Variants in CEP131 observed in about 807,000 individuals in gnomAD.
CEP131 encodes centrosomal protein of 131 kDa.
Under a neutral mutation model 136.8 loss-of-function variants are expected in CEP131, and 99 were observed. The observed-to-expected ratio is 0.72, with a 90% confidence interval of 0.62 to 0.86. The LOEUF (loss-of-function observed/expected upper bound fraction) is 0.86. Ranked by LOEUF, CEP131 falls within the 40% of genes least tolerant of loss-of-function variation. The pLI, the probability that CEP131 is intolerant of heterozygous loss-of-function variation, is 0.00. For synonymous variants in CEP131, 646 were observed against 612.7 expected (o/e 1.05, Z -0.80); for missense variants, 1,459 against 1,463.0 (o/e 1.00, Z 0.04).
intron 17 of CEP131, among the ~76,000 whole-genome samples, chr17:81,194,663 G>C (rs79788982): frequency 0.02 from 3,052 of 152,370 alleles, 42 homozygotes; most frequent in East Asian, 0.083. Flanking sequence ...GGCTGGGCCA[G>C]GCTCCTGTGT....
In CEP131 at chr17:81,215,013, G is replaced by A. The variant is rs371293942; in HGVS notation, c.177+4867C>T. ...AGGATGGTCTCAATCTCCTGGCCTCGTGATCTGCTTGCCTCAACCTCCCAA... is the reference window on the plus strand; with the variant it reads ...AGGATGGTCTCAATCTCCTGGCCTCATGATCTGCTTGCCTCAACCTCCCAA... On this transcript the variant is annotated intron_variant, in intron 2 of 25. Coordinates refer to ENST00000450824, the MANE Select transcript of CEP131 (RefSeq NM_014984.4). The surrounding 1 kb of genome is among the most constrained non-coding windows in gnomAD (Gnocchi z 4.1). 2.0e-5 allele frequency among the ~76,000 whole-genome samples: 3 copies of A among 151,676 alleles called. No homozygotes were observed. The highest frequency in any genetic ancestry group is 2.1e-4 in the South Asian group (1 of 4,806).
rs754285910 is a variant in CEP131 at position 81,219,948 on chromosome 17, C to G, written c.109G>C (p.Ala37Pro). ...PPVSRRPGSA[A>P]TTKPIVRSVS... Reference sequence around the variant, plus strand: ...GAGCGGACGATGGGCTTGGTGGTGGCGGCACTGCCAGGACGCCGGGACACA... The same window carrying G: ...GAGCGGACGATGGGCTTGGTGGTGGGGGCACTGCCAGGACGCCGGGACACA... The change falls in exon 2 of 26, where the codon GCC (alanine) becomes CCC (proline). Residue 37 changes from alanine (A) to proline (P), a missense_variant. Around this residue, in one of 3 missense-constraint regions of CEP131, gnomAD observed 187 missense variants for 179.9 expected, o/e 1.04. Transcript: ENST00000450824. This position sits in a 1 kb window ranked among gnomAD's most constrained non-coding sequence, Gnocchi z 4.0. 6.2e-7 allele frequency: 1 copy of G among 1,611,782 alleles called. No homozygotes were observed. The highest frequency in any genetic ancestry group is 2.2e-5 in the East Asian group (1 of 44,664).
At chr17:81,207,818 G>C (rs1361038344) in intron 3 of CEP131, among the ~76,000 whole-genome samples, 5 of 81,688 alleles carry the variant, frequency 6.1e-5, no homozygotes, top group Admixed American at 1.4e-4. Context: ...CCACAGCTGC[G>C]CCGAACACAA....
In CEP131 at chr17:81,196,965, T is replaced by C. The variant is rs373215706; in HGVS notation, c.1738A>G (p.Lys580Glu). 20 of 1,608,488 alleles carry C rather than the reference T, an allele frequency of 1.2e-5. No homozygotes were observed. Among genetic ancestry groups the C allele is most frequent in the Non-Finnish European group, 1.6e-5 (19 of 1,178,048 alleles). ...TGCAGCAGCAGCATGGCCTGCTTCTTCTCCTCCACCTCCAGCTTCAGCCGC... is the reference window on the plus strand; with the variant it reads ...TGCAGCAGCAGCATGGCCTGCTTCTCCTCCTCCACCTCCAGCTTCAGCCGC... The part of the protein sequence containing the change: ...VMRLKLEVEE[K>E]KQAMLLLQRA... The change falls in exon 14 of 26, where the codon AAG becomes GAG. Residue 580 changes from lysine (K) to glutamate (E), a missense_variant. Coordinates refer to ENST00000450824, the MANE Select transcript of CEP131 (RefSeq NM_014984.4).
chr17:81,201,608 T>G (rs2061892904), intron 7 of CEP131, among the ~76,000 whole-genome samples: 1 of 152,248 alleles, frequency 6.6e-6, no homozygotes, highest in East Asian at 1.9e-4. Flanking sequence ...CTACCCATTT[T>G]CAGTGTACAA....
intron 2 of CEP131, among the ~76,000 whole-genome samples, chr17:81,213,551 A>C (rs932915002): frequency 2.2e-5 from 3 of 137,908 alleles, no homozygotes; most frequent in East Asian, 2.0e-4. Flanking sequence ...AGCGTGAGAC[A>C]CTGTCTCAAA....
chr17:81,196,900 G>A (rs1034208428), intron 14 of CEP131, 30 bp downstream of exon 14: 1 of 1,607,400 alleles, frequency 6.2e-7, no homozygotes. Context: ...GGCTAGCAGG[G>A]CCCGGGATTA....
chr17:81,191,093 G>C lies in CEP131; in HGVS notation c.2766-9C>G, dbSNP rs113793019. ...CCCGTAAGCGCTTGATGCTGGAGGT[G>C]GGGGGAGGGCAGGGTCACTCCAGCC... On this transcript the variant is annotated splice_polypyrimidine_tract_variant and intron_variant, in intron 22 of 25. Coordinates refer to ENST00000450824, the MANE Select transcript of CEP131 (RefSeq NM_014984.4). 96 of 1,594,806 alleles carry C rather than the reference G, an allele frequency of 6.0e-5. No individual in the cohort carries two copies. The highest frequency in any genetic ancestry group is 1.2e-4 in the Admixed American group (7 of 58,888).
rs950790668 is a variant in CEP131 at position 81,193,995 on chromosome 17, T to C, written c.2252A>G (p.Glu751Gly). 1.3e-6 allele frequency: 2 copies of C among 1,554,410 alleles called. No homozygotes were observed. The highest frequency in any genetic ancestry group is 1.7e-6 in the Non-Finnish European group (2 of 1,150,660). ...ASQRCLRQAE[E>G]LREQLEREKE... ...CTCCCGCTCCAGCTGCTCCCGCAGC[T>C]CCTCGGCCTGGCGCAGGCAGCGCTG... Residue 751 changes from glutamate to glycine, a missense_variant, in exon 18 of 26, where the codon GAG becomes GGG. Physicochemically the swap from Glu to Gly is moderately conservative, Grantham distance 98. Around this residue, in one of 3 missense-constraint regions of CEP131, gnomAD observed 1,026 missense variants for 964.2 expected, o/e 1.06. Transcript: ENST00000450824.
At position 81,200,462 on chromosome 17, in the gene CEP131, G is replaced by C; in HGVS notation, c.789-16C>G. On this transcript the variant is annotated splice_polypyrimidine_tract_variant and intron_variant, in intron 7 of 25. Coordinates refer to ENST00000450824, the MANE Select transcript of CEP131 (RefSeq NM_014984.4). ...GTGGATAAACCTGCCCGGAGAGCAG[G>C]ACTCAGGGCCAAGACAGGACCAGCG... The C allele has an allele frequency of 6.5e-7, 1 of 1,530,528 alleles. No individual in the cohort carries two copies. The highest frequency in any genetic ancestry group is 2.0e-4 in the Middle Eastern group (1 of 4,954). 94.8% of individuals were successfully genotyped at this position (1,530,528 alleles called of 1,614,324 possible).
At chr17:81,195,103 G>A (rs2061726185) in intron 16 of CEP131, 131 bp from the exon 17 acceptor site, 2 of 665,880 alleles carry the variant, frequency 3.0e-6, no homozygotes, top group East Asian at 2.8e-5. Flanking sequence ...TGGGTGTGCT[G>A]CCCCGAGACA....
intron 1 of CEP131, 76 bp from the exon 2 acceptor site, chr17:81,220,149 A>G: frequency 7.9e-7 from 1 of 1,262,546 alleles, no homozygotes; most frequent in Non-Finnish European, 1.0e-6. Context: ...TCTCCAGCCC[A>G]GCCTCAGCTG....
At chr17:81,199,235 TG>T in intron 10 of CEP131, 145 bp downstream of exon 10, 1 of 1,028,178 alleles carries the variant, frequency 9.7e-7, no homozygotes, top group Non-Finnish European at 1.4e-6. Flanking sequence ...TCAGGTCAGC[TG>T]GGGGCCAAGG....
chr17:81,212,535 G>A (rs574879501), intron 2 of CEP131, among the ~76,000 whole-genome samples: 2 of 148,614 alleles, frequency 1.3e-5, no homozygotes, highest in East Asian at 3.9e-4. Flanking sequence ...GCCCTGGGCA[G>A]GAGTGGGGCC....
chr17:81,189,886 G>A (rs757981884), intron 25 of CEP131, 29 bp downstream of exon 25: 2 of 1,612,494 alleles, frequency 1.2e-6, no homozygotes, highest in African/African-American at 2.7e-5. Flanking sequence ...CAGCCCCGAG[G>A]TCCAGCAGGG....
intron 2 of CEP131, among the ~76,000 whole-genome samples, chr17:81,210,206 C>A (rs1372096649): frequency 2.0e-5 from 3 of 152,194 alleles, no homozygotes; most frequent in Non-Finnish European, 4.4e-5. Flanking sequence ...CCCTCCAAAT[C>A]GGCCAGATGC....
In CEP131 at chr17:81,222,869, C is replaced by A. The variant is rs2062419201; in HGVS notation, c.-118G>T. ...TGCGGAACCAGTCGCGCCCAAACCT[C>A]GGGTCGGCGACCTGGCGCCCCGCCA... is the stretch of plus-strand genomic sequence containing the variant. On this transcript the variant is annotated 5_prime_UTR_variant, in exon 1 of 26. Transcript: ENST00000450824. 6.6e-6 allele frequency: 1 copy of A among 152,224 alleles called. No individual in the cohort carries two copies. The allele number at this position is 152,224 out of a possible 1,614,324, so 9.4% of individuals were successfully genotyped here. A position where few individuals can be genotyped will look rare whatever the true frequency, so the allele number is the denominator to read the frequency against.
At position 81,192,409 on chromosome 17, in the gene CEP131, A is replaced by C. The variant is rs1240352917; in HGVS notation, c.2548-17T>G. On this transcript the variant is annotated splice_polypyrimidine_tract_variant and intron_variant, in intron 20 of 25. Transcript: ENST00000450824. The stretch of plus-strand genomic sequence containing the variant: ...CAGCTCCATCTGGGGGGCGGACATA[A>C]GAGGCCAGTCAGTCCCACCCCGTGC... 6.2e-7 allele frequency: 1 copy of C among 1,611,134 alleles called. No homozygotes were observed. The highest frequency in any genetic ancestry group is 1.7e-5 in the Admixed American group (1 of 59,890).
chr17:81,203,845 C>G lies in CEP131; in HGVS notation c.516-238G>C. The G allele has an allele frequency of 5.7e-6, 3 of 522,934 alleles. No individual in the cohort carries two copies. The highest frequency in any genetic ancestry group is 1.0e-5 in the Non-Finnish European group (3 of 291,422). 32.4% of individuals were successfully genotyped at this position (522,934 alleles called of 1,614,324 possible). On this transcript the variant is annotated intron_variant, in intron 5 of 25. Transcript: ENST00000450824. This position sits in a 1 kb window ranked among gnomAD's most constrained non-coding sequence, Gnocchi z 4.6. ...GCTCCCACGGGGCAGGGGATAGAAT[C>G]GAGGCATGAACGCTGGACGTGCCCA... is the stretch of plus-strand genomic sequence containing the variant.
Sources: allele counts gnomAD v4.1 joint callset (sites outside exome capture counted in the v4.1 genomes callset), GRCh38; gene constraint gnomAD v4.1.1; regional missense constraint gnomAD v4.1.1; non-coding constraint Gnocchi (gnomAD v3.1); transcripts MANE v1.5; gene names NCBI Gene and HGNC (gene_info 2026-07-23, HGNC 2026-07-21).